Variants in GABBR2 observed in about 807,000 individuals in gnomAD.
GABBR2 encodes the protein gamma-aminobutyric acid type B receptor subunit 2.
GABBR2 carries 23 observed loss-of-function variants against 105.6 expected under a neutral mutation model. That is an observed-to-expected ratio of 0.22 (90% CI 0.16 to 0.31). GABBR2 has a LOEUF of 0.31. GABBR2 is among the 10% of genes least tolerant of loss of function. The pLI, the probability that GABBR2 is intolerant of heterozygous loss-of-function variation, is 1.00. For missense variants in GABBR2, 734 were observed against 1,245.5 expected (o/e 0.59, Z 6.18); for synonymous variants, 478 against 499.7 (o/e 0.96, Z 0.58).
At chr9:98,511,850 C>A (rs556331423) in intron 3 of GABBR2, among the ~76,000 whole-genome samples, 9 of 152,320 alleles carry the variant, frequency 5.9e-5, no homozygotes, top group African/African-American at 2.2e-4. Context: ...TGGTACCATT[C>A]CTTCTAAAAC....
In GABBR2 at chr9:98,452,138, C is replaced by T. The variant is rs572357795; in HGVS notation, c.1236+1843G>A. ...GCATCCACACCATTATCCACACCTT[C>T]GGCACCTGCACAGGTTCCAGCCCAC... On this transcript the variant is annotated intron_variant, in intron 7 of 18. Coordinates refer to ENST00000259455, the MANE Select transcript of GABBR2 (RefSeq NM_005458.8). 8.9e-4 allele frequency among the ~76,000 whole-genome samples: 136 copies of T among 152,304 alleles called. 1 individual carries two copies. The highest frequency in any genetic ancestry group is 1.7e-3 in the Non-Finnish European group (116 of 68,030).
intron 1 of GABBR2, among the ~76,000 whole-genome samples, chr9:98,641,418 G>A (rs891932753): frequency 1.1e-4 from 17 of 151,856 alleles, no homozygotes; most frequent in South Asian, 2.1e-4. Context: ...GATTACAGGC[G>A]TGAGCCACCA....
At chr9:98,330,344 C>T (rs1831002788) in intron 13 of GABBR2, among the ~76,000 whole-genome samples, 1 of 152,200 alleles carries the variant, frequency 6.6e-6, no homozygotes. Flanking sequence ...TTTCATATCT[C>T]CATGACACCT....
intron 1 of GABBR2, among the ~76,000 whole-genome samples, chr9:98,694,432 G>A (rs1000826992): frequency 3.9e-5 from 6 of 152,214 alleles, no homozygotes; most frequent in Non-Finnish European, 5.9e-5. Flanking sequence ...GAGGAAACAC[G>A]TTAACTACCT....
At chr9:98,315,616 T>C (rs1269503021) in intron 13 of GABBR2, among the ~76,000 whole-genome samples, 3 of 152,234 alleles carry the variant, frequency 2.0e-5, no homozygotes, top group South Asian at 2.1e-4. Context: ...TGGGGAGAGA[T>C]GCACCTGAGC....
At chr9:98,390,994 G>A (rs1453439886) in intron 9 of GABBR2, among the ~76,000 whole-genome samples, 1 of 152,134 alleles carries the variant, frequency 6.6e-6, no homozygotes, top group African/African-American at 2.4e-5. Flanking sequence ...ATTAGTAACA[G>A]CAGAAGTCCT....
chr9:98,473,088 A>G, intron 6 of GABBR2, 58 bp downstream of exon 6: 1 of 1,301,386 alleles, frequency 7.7e-7, no homozygotes. Flanking sequence ...CAATGTCATC[A>G]GACAAGATGA....
chr9:98,573,514 C>T (rs1455562455), intron 2 of GABBR2, among the ~76,000 whole-genome samples: 1 of 152,190 alleles, frequency 6.6e-6, no homozygotes, highest in Admixed American at 6.5e-5. Context: ...AAACCCCTGG[C>T]TTAAAGCCAT....
At chr9:98,343,356 G>C (rs577393255) in intron 13 of GABBR2, among the ~76,000 whole-genome samples, 1 of 152,206 alleles carries the variant, frequency 6.6e-6, no homozygotes, top group South Asian at 2.1e-4. Context: ...TGGCTCACCT[G>C]GGTGTTCAAT....
intron 1 of GABBR2, among the ~76,000 whole-genome samples, chr9:98,583,847 G>A (rs1829034694): frequency 1.3e-5 from 2 of 152,182 alleles, no homozygotes; most frequent in African/African-American, 4.8e-5. Flanking sequence ...AATGCTGCAC[G>A]TGAAGATGTC....
chr9:98,436,381 A>ACACACAC (rs1445643356), intron 7 of GABBR2, among the ~76,000 whole-genome samples: 3 of 54,402 alleles, frequency 5.5e-5, no homozygotes, highest in African/African-American at 3.1e-4. Context: ...ATATATATAT[A>ACACACAC]TATATATATA....
intron 1 of GABBR2, among the ~76,000 whole-genome samples, chr9:98,645,895 G>A (rs1039842471): frequency 1.3e-5 from 2 of 152,152 alleles, no homozygotes; most frequent in Non-Finnish European, 2.9e-5. Context: ...GTTCTATGAG[G>A]TAAGTACCAT....
At chr9:98,671,621 G>A (rs1242858627) in intron 1 of GABBR2, among the ~76,000 whole-genome samples, 2 of 152,062 alleles carry the variant, frequency 1.3e-5, no homozygotes, top group African/African-American at 2.4e-5. Context: ...AATGAACAAC[G>A]GTTCCAGTCT....
intron 8 of GABBR2, among the ~76,000 whole-genome samples, chr9:98,399,803 C>A (rs1319526427): frequency 6.6e-6 from 1 of 152,076 alleles, no homozygotes; most frequent in Non-Finnish European, 1.5e-5. Context: ...AAGCCTAAAG[C>A]CAATAAGGGA....
chr9:98,466,826 A>G (rs1826568659), intron 6 of GABBR2, among the ~76,000 whole-genome samples: 1 of 152,230 alleles, frequency 6.6e-6, no homozygotes, highest in Admixed American at 6.5e-5. Flanking sequence ...TCTCATATAA[A>G]AGATGTCTGT....
At chr9:98,696,721 G>T (rs1830758099) in intron 1 of GABBR2, among the ~76,000 whole-genome samples, 2 of 152,156 alleles carry the variant, frequency 1.3e-5, no homozygotes, top group Non-Finnish European at 2.9e-5. Flanking sequence ...GAGTCTATCA[G>T]GAGACACACT....
intron 7 of GABBR2, among the ~76,000 whole-genome samples, chr9:98,415,080 T>TA (rs1315179738): frequency 6.6e-6 from 1 of 152,034 alleles, no homozygotes; most frequent in Non-Finnish European, 1.5e-5. Context: ...ATTAAAAAAG[T>TA]AAAAAACAAA....
chr9:98,656,106 G>A (rs1830179663), intron 1 of GABBR2, among the ~76,000 whole-genome samples: 1 of 152,206 alleles, frequency 6.6e-6, no homozygotes, highest in African/African-American at 2.4e-5. Flanking sequence ...GAACAGAGAG[G>A]AGGTCAAAGT....
rs991789144 is a variant in GABBR2, at chr9:98,297,550, T to C, written c.2542+1674A>G. 4.0e-5 allele frequency among the ~76,000 whole-genome samples: 6 copies of C among 150,066 alleles called. No individual in the cohort carries two copies. In the East Asian group the frequency reaches 6.0e-4, roughly 15 times the overall value. On this transcript the variant is annotated intron_variant, in intron 17 of 18. Transcript: ENST00000259455. The stretch of plus-strand genomic sequence containing the variant: ...ATTGCTTGAACTTGGGAGGTGGAGG[T>C]TGCAGTGAGCCGAGATCGTGCCATT...
Sources: allele counts gnomAD v4.1 joint callset (sites outside exome capture counted in the v4.1 genomes callset), GRCh38; gene constraint gnomAD v4.1.1; transcripts MANE v1.5; gene names NCBI Gene and HGNC (gene_info 2026-07-23, HGNC 2026-07-21).